Variants in PIGR observed in about 807,000 individuals in gnomAD.
PIGR encodes the protein hepatocellular carcinoma associated protein TB6.
A neutral mutation model predicts 69.5 loss-of-function variants in PIGR; 22 were observed. The ratio of observed to expected loss-of-function variants is 0.32; its 90% confidence interval spans 0.23 to 0.45. PIGR has a LOEUF of 0.45. Among genes scored for constraint, PIGR ranks in the 20% least tolerant of loss-of-function variants. PIGR has a pLI of 1.00. For missense variants in PIGR, 885 were observed against 974.0 expected (o/e 0.91, Z 1.22); for synonymous variants, 413 against 407.6 (o/e 1.01, Z -0.16).
At position 206,935,112 on chromosome 1, in the gene PIGR, T is replaced by C. The variant is rs1679837946; in HGVS notation, c.1379-366A>G. ...TTGTGTGCCTAGGTAATAATTATTA[T>C]TGATGAGCACCATGATCAATCCAGA... On this transcript the variant is annotated intron_variant, in intron 5 of 10. Transcript: ENST00000356495. The surrounding 1 kb of genome is among the most constrained non-coding windows in gnomAD (Gnocchi z 4.4). 1.3e-5 allele frequency among the ~76,000 whole-genome samples: 2 copies of C among 152,212 alleles called. No homozygotes were observed. Among genetic ancestry groups the C allele is most frequent in the African/African-American group, 2.4e-5 (1 of 41,446 alleles).
Position 206,930,683 on chromosome 1 carries a change from C to G in PIGR, c.2200-270G>C. 1 of 985,380 alleles carries G rather than the reference C, an allele frequency of 1.0e-6. No individual in the cohort carries two copies. Among genetic ancestry groups the G allele is most frequent in the Non-Finnish European group, 1.2e-6 (1 of 829,920 alleles). The allele number at this position is 985,380 out of a possible 1,614,324, so 61.0% of individuals were successfully genotyped here. On this transcript the variant is annotated intron_variant, in intron 10 of 10. Coordinates refer to ENST00000356495, the MANE Select transcript of PIGR (RefSeq NM_002644.4). The surrounding 1 kb of genome is among the most constrained non-coding windows in gnomAD (Gnocchi z 4.3). Reference sequence around the variant, plus strand: ...AACCGCCTCTGTTGCCCGGGCCTGTCCCCGGAAGCTGCCCACACAGTCCAC... The same window carrying G: ...AACCGCCTCTGTTGCCCGGGCCTGTGCCCGGAAGCTGCCCACACAGTCCAC...
chr1:206,939,292 C>G lies in PIGR; in HGVS notation c.215G>C (p.Gly72Ala). 7 of 1,614,250 alleles carry G rather than the reference C, an allele frequency of 4.3e-6. No individual in the cohort carries two copies. The highest frequency in any genetic ancestry group is 5.9e-6 in the Non-Finnish European group (7 of 1,180,042). ...GGCITLISSE[G>A]YVSSKYAGRA... ...GCCTGCATATTTGCTGGAGACGTAG[C>G]CCTCCGAGGAGATGAGGGTTATGCA... Residue 72 changes from glycine (G) to alanine (A), a missense_variant, in exon 3 of 11, where the codon GGC becomes GCC. Transcript: ENST00000356495.
chr1:206,933,055 G>A lies in PIGR; in HGVS notation c.1817C>T (p.Ala606Val). ...TGTATCTGCCACCGCCTTTTCCTCTGCAAAAAGCCTGGGATCCTGAATGGC... is the reference window on the plus strand; with the variant it reads ...TGTATCTGCCACCGCCTTTTCCTCTACAAAAAGCCTGGGATCCTGAATGGC... The part of the protein sequence containing the change: ...NKAIQDPRLF[A>V]EEKAVADTRD... The change falls in exon 7 of 11, where the codon GCA becomes GTA. Residue 606 changes from alanine (A) to valine (V), a missense_variant. By Grantham distance (64) the Ala-to-Val change is moderately conservative (BLOSUM62 0). Coordinates refer to ENST00000356495, the MANE Select transcript of PIGR (RefSeq NM_002644.4). The A allele has an allele frequency of 6.2e-7, 1 of 1,614,130 alleles. No homozygotes were observed.
intron 1 of PIGR, among the ~76,000 whole-genome samples, chr1:206,943,001 G>A (rs1003789413): frequency 6.6e-5 from 10 of 152,124 alleles, no homozygotes; most frequent in African/African-American, 9.7e-5. Flanking sequence ...AAAGGACCTC[G>A]AGCTTTCAGA....
At chr1:206,946,202 G>A (rs959922762) in intron 1 of PIGR, 134 bp downstream of exon 1, 2 of 152,652 alleles carry the variant, frequency 1.3e-5, no homozygotes, top group African/African-American at 4.8e-5. Context: ...CAGTCACACA[G>A]TCTGCCTCCT....
intron 6 of PIGR, 141 bp from the exon 7 acceptor site, chr1:206,933,307 G>T: frequency 1.3e-6 from 1 of 745,760 alleles, no homozygotes; most frequent in Non-Finnish European, 2.1e-6. Flanking sequence ...GACCCAGGAT[G>T]ACATTAGAAA....
intron 3 of PIGR, among the ~76,000 whole-genome samples, chr1:206,938,592 C>T (rs566866827): frequency 2.6e-5 from 4 of 152,202 alleles, no homozygotes; most frequent in South Asian, 2.1e-4. Flanking sequence ...TTGTTAGCAA[C>T]CCATCCTTTC....
rs747240793 is a variant in PIGR at position 206,937,764 on chromosome 1, G to A, written c.389-13C>T. On this transcript the variant is annotated splice_polypyrimidine_tract_variant and intron_variant, in intron 3 of 10. Transcript: ENST00000356495. Reference sequence around the variant, plus strand: ...AGGAGCCCAGGACCTGCAGGATGAGGGGTGCAAGGTAGGGGGCAGGCAAGT... The same window carrying A: ...AGGAGCCCAGGACCTGCAGGATGAGAGGTGCAAGGTAGGGGGCAGGCAAGT... 8 of 1,612,778 alleles carry A rather than the reference G, an allele frequency of 5.0e-6. No homozygotes were observed. The highest frequency in any genetic ancestry group is 6.8e-6 in the Non-Finnish European group (8 of 1,179,340).
rs776366365 is a variant in PIGR at position 206,934,586 on chromosome 1, G to T, written c.1539C>A (p.Pro513=). The T allele has an allele frequency of 6.2e-7, 1 of 1,614,208 alleles. No individual in the cohort carries two copies. Among genetic ancestry groups the T allele is most frequent in the South Asian group, 1.1e-5 (1 of 91,082 alleles). ...CQALPSQDEG[P]SKAFVNCDEN... ...CGTCACAGTTCACGAAGGCCTTGCTGGGGCCTTCGTCTTGGCTGGGCAGGG... is the reference window on the plus strand; with the variant it reads ...CGTCACAGTTCACGAAGGCCTTGCTTGGGCCTTCGTCTTGGCTGGGCAGGG... The change falls in exon 6 of 11, where the codon CCC becomes CCA. Residue 513 remains proline, a synonymous_variant. Transcript: ENST00000356495.
intron 2 of PIGR, among the ~76,000 whole-genome samples, chr1:206,940,207 G>A (rs1031715890): frequency 6.6e-6 from 1 of 152,206 alleles, no homozygotes; most frequent in Non-Finnish European, 1.5e-5. Context: ...GCGGGTCATA[G>A]AGATGCTTGG....
intron 6 of PIGR, 99 bp from the exon 7 acceptor site, chr1:206,933,265 G>A (rs1558012180): frequency 8.1e-7 from 1 of 1,237,898 alleles, no homozygotes; most frequent in Non-Finnish European, 1.1e-6. Flanking sequence ...GAATCACAGG[G>A]TCAGGGTTCG....
chr1:206,943,822 T>C (rs185517075), intron 1 of PIGR, among the ~76,000 whole-genome samples: 4 of 152,182 alleles, frequency 2.6e-5, no homozygotes, highest in African/African-American at 9.7e-5. Context: ...ACAAGCACTA[T>C]GGGCTAGGCT....
chr1:206,937,326 G>A lies in PIGR; in HGVS notation c.814C>T (p.Arg272Ter). Residue 272 changes from arginine to a stop codon, truncating the protein, a stop_gained, in exon 4 of 11, where the codon CGA (arginine) becomes TGA (stop). Transcript: ENST00000356495. LOFTEE classifies it high-confidence loss of function. ...EVANVAKFLCRQSSGENCDVV... is the reference protein window; with the variant it reads ...EVANVAKFLC ...TCACAGTTTTCCCCACTGCTCTGTCGGCACAGAAATTTGGCCACGTTTGCC... is the reference window on the plus strand; with the variant it reads ...TCACAGTTTTCCCCACTGCTCTGTCAGCACAGAAATTTGGCCACGTTTGCC... The A allele has an allele frequency of 1.9e-6, 3 of 1,612,964 alleles. No homozygotes were observed. Among genetic ancestry groups the A allele is most frequent in the Non-Finnish European group, 2.5e-6 (3 of 1,179,276 alleles).
chr1:206,940,537 G>A lies in PIGR; in HGVS notation c.-6C>T, dbSNP rs1679960815. On this transcript the variant is annotated 5_prime_UTR_variant, in exon 2 of 11. Coordinates refer to ENST00000356495, the MANE Select transcript of PIGR (RefSeq NM_002644.4). ...GTGAGCACGAAGAGCAGCATTGCTG[G>A]TGGGTCCCGAGCGCCGCACCACTCA... is the stretch of plus-strand genomic sequence containing the variant. The A allele has an allele frequency of 1.3e-6, 2 of 1,551,366 alleles. No homozygotes were observed. Among genetic ancestry groups the A allele is most frequent in the Non-Finnish European group, 1.7e-6 (2 of 1,146,874 alleles).
At position 206,929,994 on chromosome 1, in the gene PIGR, T is replaced by G. The variant is rs539352552; in HGVS notation, c.*324A>C. 4.9e-5 allele frequency: 14 copies of G among 285,820 alleles called. No individual in the cohort carries two copies. In the South Asian group the frequency reaches 1.8e-3, roughly 36 times the overall value. 17.7% of individuals were successfully genotyped at this position (285,820 alleles called of 1,614,324 possible). A position where few individuals can be genotyped will look rare whatever the true frequency, so the allele number is the denominator to read the frequency against. ...GGTGCAGAGGGGCGCTGCACGTCTCTCCTTTCTGCAATCAGCTCTCCCACC... is the reference window on the plus strand; with the variant it reads ...GGTGCAGAGGGGCGCTGCACGTCTCGCCTTTCTGCAATCAGCTCTCCCACC... On this transcript the variant is annotated 3_prime_UTR_variant, in exon 11 of 11. Transcript: ENST00000356495.
chr1:206,932,026 C>G (rs1216193811), intron 8 of PIGR, among the ~76,000 whole-genome samples: 1 of 152,148 alleles, frequency 6.6e-6, no homozygotes, highest in African/African-American at 2.4e-5. Flanking sequence ...CACTCTGGGA[C>G]CTTTCAATGC....
Position 206,933,021 on chromosome 1 carries a change from T to TTGATC in PIGR, c.1846_1850dup (p.Ala618IlefsTer214). 1.2e-6 allele frequency: 2 copies of TTGATC among 1,614,220 alleles called. No homozygotes were observed. The highest frequency in any genetic ancestry group is 8.5e-7 in the Non-Finnish European group (1 of 1,180,050). On this transcript the variant is annotated frameshift_variant, in exon 7 of 11. Transcript: ENST00000356495. LOFTEE classifies it high-confidence loss of function. ...CCACAGATGCTCTGCTCCCATCGGC[T>TTGATC]TGATCTCTTGTATCTGCCACCGCCT...
intron 1 of PIGR, among the ~76,000 whole-genome samples, chr1:206,945,828 T>G (rs933307204): frequency 1.3e-5 from 2 of 152,252 alleles, no homozygotes; most frequent in African/African-American, 4.8e-5. Flanking sequence ...TTAATTAAAC[T>G]AAACTGAAAA....
intron 10 of PIGR, chr1:206,931,069 A>G (rs1037721699): frequency 2.3e-5 from 23 of 985,308 alleles, no homozygotes; most frequent in Non-Finnish European, 2.8e-5. Context: ...GCCCACCGCA[A>G]GCAAATGTCT....
Sources: allele counts gnomAD v4.1 joint callset (sites outside exome capture counted in the v4.1 genomes callset), GRCh38; gene constraint gnomAD v4.1.1; non-coding constraint Gnocchi (gnomAD v3.1); transcripts MANE v1.5; gene names NCBI Gene and HGNC (gene_info 2026-07-23, HGNC 2026-07-21).